SGIP1: variants seen among roughly 807,000 people sequenced by gnomAD.
SGIP1 encodes SH3GL interacting endocytic adaptor 1.
A neutral mutation model predicts 107.5 loss-of-function variants in SGIP1; 38 were observed. The ratio of observed to expected loss-of-function variants is 0.35; its 90% CI spans 0.27 to 0.46. The LOEUF is 0.46. Ranked by LOEUF, SGIP1 falls within the 20% of genes least tolerant of loss-of-function variation. The pLI is 1.00. For synonymous variants in SGIP1, 365 were observed against 366.1 expected (o/e 1.00, Z 0.03); for missense variants, 929 against 1,019.5 (o/e 0.91, Z 1.21).
chr1:66,634,522 T>C (rs2075415151), intron 3 of SGIP1, among the ~76,000 whole-genome samples: 1 of 152,162 alleles, frequency 6.6e-6, no homozygotes, highest in African/African-American at 2.4e-5. Flanking sequence ...CCAGCAGTCA[T>C]TCTGGGGACG....
chr1:66,659,211 A>T (rs2080389422), intron 7 of SGIP1, among the ~76,000 whole-genome samples: 1 of 152,124 alleles, frequency 6.6e-6, no homozygotes, highest in African/African-American at 2.4e-5. Flanking sequence ...TGAAGGATGG[A>T]TTAGGAGATG....
intron 1 of SGIP1, among the ~76,000 whole-genome samples, chr1:66,573,399 C>T (rs67984416): frequency 0.34 from 51,483 of 151,856 alleles, 9,398 homozygotes; most frequent in African/African-American, 0.48. Flanking sequence ...CCAGCAATCT[C>T]GTTACTGGGT....
At chr1:66,647,402 G>T (rs1397156450) in intron 7 of SGIP1, among the ~76,000 whole-genome samples, 1 of 152,190 alleles carries the variant, frequency 6.6e-6, no homozygotes, top group Admixed American at 6.5e-5. Context: ...TTCACTGCAA[G>T]GGAGTCTGGA....
intron 1 of SGIP1, among the ~76,000 whole-genome samples, chr1:66,588,887 A>G (rs2063110965): frequency 6.6e-6 from 1 of 151,464 alleles, no homozygotes; most frequent in African/African-American, 2.4e-5. Context: ...AAGGTTTTAA[A>G]TAAGGCAAAC....
intron 6 of SGIP1, 100 bp from the exon 7 acceptor site, chr1:66,643,444 T>C: frequency 1.1e-6 from 1 of 934,100 alleles, no homozygotes. Flanking sequence ...TTTTCTGCCA[T>C]CTAAGGATAC....
intron 1 of SGIP1, among the ~76,000 whole-genome samples, chr1:66,589,180 A>T (rs1557989549): frequency 1.6e-4 from 5 of 31,208 alleles, no homozygotes. Flanking sequence ...ATATATATAT[A>T]TATATATATA....
intron 11 of SGIP1, among the ~76,000 whole-genome samples, chr1:66,672,700 A>G (rs2084122483): frequency 6.6e-6 from 1 of 152,102 alleles, no homozygotes; most frequent in Non-Finnish European, 1.5e-5. Context: ...AAGGGATGCG[A>G]GTTTAACTTA....
rs1329945052 is a variant in SGIP1 at position 66,664,094 on chromosome 1, A to T, written c.472-3436A>T. On this transcript the variant is annotated intron_variant, in intron 8 of 24. Coordinates refer to ENST00000371037, the MANE Select transcript of SGIP1 (RefSeq NM_032291.4). ...GAATTGTTTGTCATGAAATTCCCAT[A>T]CTTCTTTCTACACCAAAGAACTTTT... Among the ~76,000 whole-genome samples the T allele has an allele frequency of 2.0e-5, 3 of 152,154 alleles. No homozygotes were observed. In the East Asian group the frequency reaches 5.8e-4, roughly 29 times the overall value.
chr1:66,681,819 A>G (rs2086773625), intron 14 of SGIP1, 50 bp from the exon 15 acceptor site: 1 of 1,552,906 alleles, frequency 6.4e-7, no homozygotes, highest in Non-Finnish European at 8.7e-7. Context: ...CTCACTCCCC[A>G]CACAAATAAT....
intron 15 of SGIP1, among the ~76,000 whole-genome samples, chr1:66,688,676 TA>T (rs1386522690): frequency 2.0e-5 from 3 of 152,228 alleles, no homozygotes; most frequent in Non-Finnish European, 4.4e-5. Context: ...GTCAAAAGCA[TA>T]ATTCTCTTAA....
At chr1:66,564,384 A>G (rs2059372791) in intron 1 of SGIP1, among the ~76,000 whole-genome samples, 1 of 151,958 alleles carries the variant, frequency 6.6e-6, no homozygotes, top group Non-Finnish European at 1.5e-5. Flanking sequence ...TTGGAAGCAG[A>G]GAGTGACCGG....
intron 12 of SGIP1, among the ~76,000 whole-genome samples, 181 bp from the exon 13 acceptor site, chr1:66,676,823 A>C (rs552120977): frequency 5.9e-5 from 9 of 151,654 alleles, no homozygotes; most frequent in Middle Eastern, 3.4e-3. Flanking sequence ...CTCACACCAC[A>C]CTCCTATTTC....
intron 1 of SGIP1, among the ~76,000 whole-genome samples, chr1:66,547,107 G>A (rs1282670332): frequency 6.6e-6 from 1 of 152,266 alleles, no homozygotes; most frequent in East Asian, 1.9e-4. Flanking sequence ...TTCAATTGAA[G>A]AGTTGGGTTA....
Position 66,679,668 on chromosome 1 carries a change from C to T in SGIP1, c.740-10C>T. ...TGACCAATGATACTTAATTTCTCAT[C>T]TTTTTGCAGCACCTCCACCACTGCC... On this transcript the variant is annotated splice_polypyrimidine_tract_variant and intron_variant, in intron 13 of 24. Transcript: ENST00000371037. The T allele has an allele frequency of 6.2e-7, 1 of 1,602,510 alleles. No homozygotes were observed. Among genetic ancestry groups the T allele is most frequent in the South Asian group, 1.1e-5 (1 of 88,822 alleles).
chr1:66,624,072 G>A (rs944177152), intron 1 of SGIP1, among the ~76,000 whole-genome samples: 1 of 152,118 alleles, frequency 6.6e-6, no homozygotes, highest in African/African-American at 2.4e-5. Context: ...TATCTCATAG[G>A]TCAAGTTACA....
chr1:66,645,091 C>T (rs1175506309), intron 7 of SGIP1, among the ~76,000 whole-genome samples: 1 of 152,136 alleles, frequency 6.6e-6, no homozygotes, highest in Non-Finnish European at 1.5e-5. Context: ...AGTTTACAGC[C>T]ATGTCTGTGC....
chr1:66,745,374 T>C lies in SGIP1; in HGVS notation c.*2279T>C, dbSNP rs868669714. 5 of 152,026 alleles carry C rather than the reference T, an allele frequency of 3.3e-5. No individual in the cohort carries two copies. Among genetic ancestry groups the C allele is most frequent in the African/African-American group, 9.7e-5 (4 of 41,440 alleles). 9.4% of individuals were successfully genotyped at this position (152,026 alleles called of 1,614,324 possible). A position where few individuals can be genotyped will look rare whatever the true frequency, so the allele number is the denominator to read the frequency against. ...GAACTATGAGTAACCAGAACCTCAA[T>C]AGAAAATGTATCCCTTCACCTTTCA... On this transcript the variant is annotated 3_prime_UTR_variant, in exon 25 of 25. Transcript: ENST00000371037.
At chr1:66,643,508 A>G in intron 6 of SGIP1, 36 bp from the exon 7 acceptor site, 2 of 1,566,456 alleles carry the variant, frequency 1.3e-6, no homozygotes, top group South Asian at 2.4e-5. Context: ...GCCTCCCAGT[A>G]GAAGAAAGAG....
chr1:66,592,749 T>G (rs2063850612), intron 1 of SGIP1, among the ~76,000 whole-genome samples: 1 of 152,152 alleles, frequency 6.6e-6, no homozygotes, highest in Non-Finnish European at 1.5e-5. Context: ...CTGATTTCCC[T>G]CCCTGACCCT....
Sources: allele counts gnomAD v4.1 joint callset (sites outside exome capture counted in the v4.1 genomes callset), GRCh38; gene constraint gnomAD v4.1.1; transcripts MANE v1.5; gene names NCBI Gene and HGNC (gene_info 2026-07-23, HGNC 2026-07-21).